FGF12: variants seen among roughly 807,000 people sequenced by gnomAD.
The protein encoded by FGF12 is fibroblast growth factor 12B.
Under a neutral mutation model 23.6 loss-of-function variants are expected in FGF12, and 14 were observed. The ratio of observed to expected loss-of-function variants is 0.59; its 90% CI spans 0.39 to 0.93. The LOEUF is 0.93. FGF12 is among the 40% of genes least tolerant of loss of function. The pLI, the probability that FGF12 is intolerant of heterozygous loss-of-function variation, is 0.00. For missense variants in FGF12, 175 were observed against 217.8 expected, an observed-to-expected ratio of 0.80 and a Z score of 1.24; for synonymous variants, 62 against 77.3, an observed-to-expected ratio of 0.80 and a Z score of 1.04.
At chr3:192,305,690 A>ATT (rs985762584) in intron 4 of FGF12, among the ~76,000 whole-genome samples, 3 of 145,976 alleles carry the variant, frequency 2.1e-5, no homozygotes, top group African/African-American at 7.5e-5. Context: ...ATATATATAT[A>ATT]TATATAAATA....
In FGF12 at chr3:192,171,692, C is replaced by T. The variant is rs551142960; in HGVS notation, c.229-1036G>A. Among the ~76,000 whole-genome samples, 42 of 152,266 alleles carry T rather than the reference C, an allele frequency of 2.8e-4. 1 individual carries two copies. Among genetic ancestry groups the T allele is most frequent in the Admixed American group, 1.5e-3 (23 of 15,296 alleles). ...GAGTCCTACATGTCAGACATATTCA[C>T]CACAGTCACCATCTTCCTCTCCATG... On this transcript the variant is annotated intron_variant, in intron 4 of 5. Coordinates refer to ENST00000445105, the MANE Select transcript of FGF12 (RefSeq NM_004113.6).
In FGF12 at chr3:192,503,165, A is replaced by G. The variant is rs538867171; in HGVS notation, c.14-142627T>C. Among the ~76,000 whole-genome samples the G allele has an allele frequency of 2.0e-5, 3 of 152,358 alleles. No homozygotes were observed. The South Asian group carries it at 6.2e-4, about 32-fold the overall frequency. On this transcript the variant is annotated intron_variant, in intron 2 of 5. Transcript: ENST00000445105. ...TACTTGGTGACAGAAAAACAGCAAG[A>G]AAATGAAAAATCGGCAGTCTACTCA...
At chr3:192,458,860 C>T (rs1015351279) in intron 2 of FGF12, among the ~76,000 whole-genome samples, 4 of 152,180 alleles carry the variant, frequency 2.6e-5, no homozygotes, top group Admixed American at 2.0e-4. Flanking sequence ...TGTATCCCCA[C>T]AATTCCCACG....
chr3:192,392,695 T>C (rs1720360720), intron 2 of FGF12, among the ~76,000 whole-genome samples: 2 of 151,816 alleles, frequency 1.3e-5, no homozygotes, highest in African/African-American at 4.8e-5. Context: ...ACATGTAATT[T>C]TTGGTGTTCT....
At chr3:192,504,880 A>G (rs544527681) in intron 2 of FGF12, among the ~76,000 whole-genome samples, 18 of 152,216 alleles carry the variant, frequency 1.2e-4, no homozygotes, top group African/African-American at 2.4e-4. Flanking sequence ...TATTCCAGCA[A>G]TCAACTAAGA....
intron 2 of FGF12, among the ~76,000 whole-genome samples, chr3:192,713,845 G>A (rs1309965349): frequency 1.3e-5 from 2 of 152,142 alleles, no homozygotes; most frequent in Admixed American, 6.5e-5. Flanking sequence ...TCTTCCTGGA[G>A]CAGTTTTAAG....
At chr3:192,402,184 A>C (rs2686464) in intron 2 of FGF12, among the ~76,000 whole-genome samples, 111,082 of 152,158 alleles carry the variant, frequency 0.73, 40,628 homozygotes, top group African/African-American at 0.76. Context: ...CCTCTTTACT[A>C]TCCAAAACAT....
chr3:192,717,485 G>C (rs1481383039), intron 2 of FGF12, among the ~76,000 whole-genome samples: 1 of 152,154 alleles, frequency 6.6e-6, no homozygotes, highest in Non-Finnish European at 1.5e-5. Flanking sequence ...TGTTTGACAT[G>C]AATAAAGCAT....
chr3:192,467,093 A>G (rs1723032980), intron 2 of FGF12, among the ~76,000 whole-genome samples: 1 of 152,176 alleles, frequency 6.6e-6, no homozygotes, highest in Non-Finnish European at 1.5e-5. Context: ...CATAGAGTAA[A>G]TTTAAAAGAA....
chr3:192,339,305 G>A (rs916251514), intron 3 of FGF12, among the ~76,000 whole-genome samples: 1 of 152,114 alleles, frequency 6.6e-6, no homozygotes. Context: ...GGAGCCCTTT[G>A]CTACTCCTTT....
At chr3:192,180,584 T>G (rs915395543) in intron 4 of FGF12, among the ~76,000 whole-genome samples, 3 of 152,172 alleles carry the variant, frequency 2.0e-5, no homozygotes, top group Non-Finnish European at 2.9e-5. Flanking sequence ...ATATTTCAAT[T>G]TCAACATTCT....
intron 2 of FGF12, among the ~76,000 whole-genome samples, chr3:192,635,693 AT>A (rs938700438): frequency 6.6e-6 from 1 of 151,972 alleles, no homozygotes; most frequent in Non-Finnish European, 1.5e-5. Context: ...CTTGCTGTAC[AT>A]TTTTTTCTTT....
intron 4 of FGF12, among the ~76,000 whole-genome samples, chr3:192,189,651 A>G (rs1459986152): frequency 6.6e-6 from 1 of 152,148 alleles, no homozygotes; most frequent in Non-Finnish European, 1.5e-5. Flanking sequence ...CATGGTGTGC[A>G]CAGAAAACAG....
intron 2 of FGF12, among the ~76,000 whole-genome samples, chr3:192,680,665 T>C (rs1167888659): frequency 6.6e-6 from 1 of 152,228 alleles, no homozygotes; most frequent in Non-Finnish European, 1.5e-5. Flanking sequence ...TGGTTCACAA[T>C]GTGACTTGCT....
Position 192,305,854 on chromosome 3 carries a change from G to GTTTTTT in FGF12, c.228+29501_228+29506dup, listed in dbSNP as rs755560177. 1.6e-3 allele frequency among the ~76,000 whole-genome samples: 121 copies of GTTTTTT among 77,454 alleles called. 3 individuals carry two copies. The highest frequency in any genetic ancestry group is 2.9e-3 in the African/African-American group (46 of 15,772). 50.8% of individuals were successfully genotyped at this position (77,454 alleles called of 152,430 possible). ...TGACACTGCTCAATCCATCTCTCTG[G>GTTTTTT]TTTTTTTTTTTTTTTTTTTTTTTTG... On this transcript the variant is annotated intron_variant, in intron 4 of 5. Coordinates refer to ENST00000445105, the MANE Select transcript of FGF12 (RefSeq NM_004113.6).
At position 192,356,425 on chromosome 3, in the gene FGF12, T is replaced by C. The variant is rs376056094; in HGVS notation, c.124+4003A>G. 3.3e-5 allele frequency among the ~76,000 whole-genome samples: 5 copies of C among 152,378 alleles called. No individual in the cohort carries two copies. In the East Asian group the frequency reaches 5.8e-4, roughly 18 times the overall value. ...ACCTCTTCAAATGTATCTTGTCCTA[T>C]GGTAACTCAGGAAACAAAATAATTA... On this transcript the variant is annotated intron_variant, in intron 3 of 5. Transcript: ENST00000445105.
rs567362768 is a variant in FGF12 at position 192,706,920 on chromosome 3, A to C, written c.13+20261T>G. 1.2e-4 allele frequency among the ~76,000 whole-genome samples: 18 copies of C among 152,360 alleles called. No individual in the cohort carries two copies. In the East Asian group the frequency reaches 3.5e-3, roughly 29 times the overall value. On this transcript the variant is annotated intron_variant, in intron 2 of 5. Transcript: ENST00000445105. ...GAAGTGTTTATTAATATAGAAGATG[A>C]TTTCAAAAGAATGTTAATACTAACC...
chr3:192,368,011 T>C (rs1383608683), intron 2 of FGF12, among the ~76,000 whole-genome samples: 1 of 152,202 alleles, frequency 6.6e-6, no homozygotes. Context: ...AAAATGAATA[T>C]TTATTGAGCA....
At chr3:192,721,303 T>C (rs543289880) in intron 2 of FGF12, among the ~76,000 whole-genome samples, 250 of 152,310 alleles carry the variant, frequency 1.6e-3, no homozygotes, top group Non-Finnish European at 2.3e-3. Flanking sequence ...ATAATCATGA[T>C]ATTATGGTAC....
Sources: gnomAD v4.1 joint callset for allele counts (sites outside exome capture counted in the v4.1 genomes callset) on GRCh38, gnomAD v4.1.1 for gene constraint, MANE v1.5 for transcripts, NCBI Gene and HGNC (gene_info 2026-07-23, HGNC 2026-07-21) for gene names.